Variants in CACNA2D2 observed in about 807,000 individuals in gnomAD.
The protein encoded by CACNA2D2 is calcium voltage-gated channel auxiliary subunit alpha2delta 2, also known as voltage-dependent calcium channel subunit alpha-2/delta-2.
A neutral mutation model predicts 166.4 loss-of-function variants in CACNA2D2; 48 were observed. The ratio of observed to expected loss-of-function variants is 0.29; its 90% CI spans 0.23 to 0.37. CACNA2D2 has a LOEUF of 0.37. CACNA2D2 is among the 10% of genes least tolerant of loss of function. The probability of loss-of-function intolerance (pLI) is 1.00; values close to 1 mark genes in which losing one functional copy is unlikely to be tolerated. For missense variants in CACNA2D2, 1,122 were observed against 1,433.0 expected (o/e 0.78, Z 3.50); for synonymous variants, 561 against 573.7 (o/e 0.98, Z 0.32).
At chr3:50,492,383 T>C (rs1167342946) in intron 1 of CACNA2D2, among the ~76,000 whole-genome samples, 2 of 152,248 alleles carry the variant, frequency 1.3e-5, no homozygotes, top group African/African-American at 4.8e-5. Context: ...AATGGCCTCC[T>C]TCAGGCCTCT....
intron 1 of CACNA2D2, among the ~76,000 whole-genome samples, chr3:50,489,630 T>TGGGGCG (rs1698439141): frequency 8.6e-6 from 1 of 116,396 alleles, no homozygotes; most frequent in African/African-American, 3.5e-5. Flanking sequence ...GGGCTGGGGC[T>TGGGGCG]GGGGCTGGGG....
chr3:50,424,058 T>A (rs774861034), intron 3 of CACNA2D2, among the ~76,000 whole-genome samples: 1 of 152,266 alleles, frequency 6.6e-6, no homozygotes, highest in East Asian at 1.9e-4. Context: ...TGTGCGGCCA[T>A]ACCTGTTCCA....
At chr3:50,498,077 G>A (rs959993262) in intron 1 of CACNA2D2, among the ~76,000 whole-genome samples, 21 of 152,148 alleles carry the variant, frequency 1.4e-4, no homozygotes, top group African/African-American at 5.1e-4. Context: ...CAAGGCACCA[G>A]GTCTGGAGGC....
chr3:50,486,070 C>T (rs1037289629), intron 1 of CACNA2D2, among the ~76,000 whole-genome samples: 33 of 152,254 alleles, frequency 2.2e-4, no homozygotes, highest in East Asian at 9.7e-4. Context: ...AAGTCCTGCC[C>T]GGGCCCATTT....
intron 1 of CACNA2D2, among the ~76,000 whole-genome samples, chr3:50,480,577 G>T (rs993117703): frequency 6.6e-6 from 1 of 151,630 alleles, no homozygotes; most frequent in Admixed American, 6.6e-5. Flanking sequence ...GCCAGGCCTT[G>T]GTTTCCAGGG....
Position 50,434,414 on chromosome 3 carries a change from G to C in CACNA2D2, c.304C>G (p.Arg102Gly). ...QQLREIYKDN[R>G]NLFEVQENEP... is the part of the protein sequence containing the mutation. ...TTCTCCTGTACCTCGAACAGGTTCCGGTTGTCCTTGTAAATCTGGAAGGAA... is the reference window on the plus strand; with the variant it reads ...TTCTCCTGTACCTCGAACAGGTTCCCGTTGTCCTTGTAAATCTGGAAGGAA... The change falls in exon 3 of 38, where the codon CGG (arginine) becomes GGG (glycine). Residue 102 changes from arginine to glycine, a missense_variant. Physicochemically the swap from Arg to Gly is moderately radical, Grantham distance 125. Around this residue, in one of 2 missense-constraint regions of CACNA2D2, gnomAD observed 840 missense variants for 1,166.8 expected, o/e 0.72. Coordinates refer to ENST00000424201, the MANE Select transcript of CACNA2D2 (RefSeq NM_006030.4). The C allele has an allele frequency of 6.2e-7, 1 of 1,613,988 alleles. No individual in the cohort carries two copies. Among genetic ancestry groups the C allele is most frequent in the South Asian group, 1.1e-5 (1 of 91,080 alleles).
intron 2 of CACNA2D2, among the ~76,000 whole-genome samples, chr3:50,452,224 G>C (rs1403022627): frequency 6.6e-6 from 1 of 152,192 alleles, no homozygotes; most frequent in Non-Finnish European, 1.5e-5. Flanking sequence ...TGTGGAATTG[G>C]CTCAGGCTTG....
chr3:50,432,912 T>A (rs927744255), intron 3 of CACNA2D2, among the ~76,000 whole-genome samples: 1 of 152,160 alleles, frequency 6.6e-6, no homozygotes. Context: ...GGGTGTAGGC[T>A]GGGGTGGCCA....
chr3:50,459,449 C>T (rs1181758754), intron 2 of CACNA2D2, among the ~76,000 whole-genome samples: 3 of 152,106 alleles, frequency 2.0e-5, no homozygotes, highest in Non-Finnish European at 2.9e-5. Flanking sequence ...TCACCTGACT[C>T]GTGGTGGGGA....
intron 3 of CACNA2D2, among the ~76,000 whole-genome samples, chr3:50,433,271 C>T (rs1189130692): frequency 6.6e-6 from 1 of 152,186 alleles, no homozygotes; most frequent in Non-Finnish European, 1.5e-5. Context: ...TCTTTTGTAA[C>T]TGACTTCTTT....
intron 3 of CACNA2D2, among the ~76,000 whole-genome samples, chr3:50,406,679 T>C (rs953686184): frequency 5.3e-5 from 8 of 151,694 alleles, no homozygotes; most frequent in Admixed American, 2.0e-4. Context: ...CCCATCACCA[T>C]AGTCATCACT....
Position 50,413,003 on chromosome 3 carries a change from C to T in CACNA2D2, c.406-18835G>A, listed in dbSNP as rs566222820. Among the ~76,000 whole-genome samples, 6 of 152,354 alleles carry T rather than the reference C, an allele frequency of 3.9e-5. No individual in the cohort carries two copies. The South Asian group carries it at 1.2e-3, about 32-fold the overall frequency. On this transcript the variant is annotated intron_variant, in intron 3 of 37. Coordinates refer to ENST00000424201, the MANE Select transcript of CACNA2D2 (RefSeq NM_006030.4). ...AGGCCGAGTCTCCATCTTCCCTCAC[C>T]TGGCACGAGGGTGGACCCTCCCCAC...
chr3:50,427,000 CCAGA>C (rs1707835214), intron 3 of CACNA2D2, among the ~76,000 whole-genome samples: 1 of 152,174 alleles, frequency 6.6e-6, no homozygotes, highest in Non-Finnish European at 1.5e-5. Context: ...TTCTCGACTG[CCAGA>C]CAGAGATGCA....
At chr3:50,476,303 C>T in intron 1 of CACNA2D2, 104 bp from the exon 2 acceptor site, 1 of 836,370 alleles carries the variant, frequency 1.2e-6, no homozygotes, top group Middle Eastern at 3.2e-4. Flanking sequence ...CCACTCACAC[C>T]CCAATTTTCA....
intron 2 of CACNA2D2, among the ~76,000 whole-genome samples, chr3:50,441,075 A>G (rs372102141): frequency 1.2e-4 from 18 of 151,608 alleles, no homozygotes; most frequent in African/African-American, 4.4e-4. Flanking sequence ...GAAGCTGGGG[A>G]GACAGGGTGT....
At chr3:50,434,184 C>G in intron 3 of CACNA2D2, 129 bp downstream of exon 3, 1 of 696,466 alleles carries the variant, frequency 1.4e-6, no homozygotes, top group South Asian at 1.7e-5. Context: ...CACAGCCCTG[C>G]TGATGTTGGC....
chr3:50,492,183 G>T (rs1187937735), intron 1 of CACNA2D2, among the ~76,000 whole-genome samples: 2 of 152,256 alleles, frequency 1.3e-5, no homozygotes, highest in South Asian at 4.1e-4. Flanking sequence ...CCATGTCTAT[G>T]CGTTACGTCC....
chr3:50,413,227 G>A (rs1381615640), intron 3 of CACNA2D2, among the ~76,000 whole-genome samples: 2 of 152,132 alleles, frequency 1.3e-5, no homozygotes, highest in African/African-American at 4.8e-5. Context: ...CCTGAATCCT[G>A]AGCTGGCCAG....
chr3:50,410,484 G>A (rs968137772), intron 3 of CACNA2D2, among the ~76,000 whole-genome samples: 1 of 152,056 alleles, frequency 6.6e-6, no homozygotes, highest in Non-Finnish European at 1.5e-5. Flanking sequence ...CTGGGATGGG[G>A]GGGGGGGTGT....
Sources: allele counts gnomAD v4.1 joint callset (sites outside exome capture counted in the v4.1 genomes callset), GRCh38; gene constraint gnomAD v4.1.1; regional missense constraint gnomAD v4.1.1; transcripts MANE v1.5; gene names NCBI Gene and HGNC (gene_info 2026-07-23, HGNC 2026-07-21).